SACS: variants seen among roughly 807,000 people sequenced by gnomAD.
The protein encoded by SACS is sacsin.
In SACS, 197 loss-of-function variants were observed where a neutral mutation model predicts 348.0. That is an observed-to-expected ratio of 0.57 (90% CI 0.50 to 0.64). The LOEUF (loss-of-function observed/expected upper bound fraction) is 0.64. Ranked by LOEUF, SACS falls within the 30% of genes least tolerant of loss-of-function variation. The pLI is 0.00. For synonymous variants in SACS, 1,985 were observed against 1,910.6 expected, an observed-to-expected ratio of 1.04 and a Z score of -1.02; for missense variants, 4,999 against 5,360.8, an observed-to-expected ratio of 0.93 and a Z score of 2.11.
chr13:23,343,165 C>T (rs574504652), intron 9 of SACS, among the ~76,000 whole-genome samples: 9 of 152,212 alleles, frequency 5.9e-5, no homozygotes, highest in African/African-American at 2.2e-4. Flanking sequence ...TTGAAGGGGG[C>T]AGTTTTTACT....
intron 1 of SACS, among the ~76,000 whole-genome samples, chr13:23,423,335 A>G (rs1316442118): frequency 6.6e-6 from 1 of 152,176 alleles, no homozygotes; most frequent in Non-Finnish European, 1.5e-5. Context: ...TTTTTATTAA[A>G]CTAGTTCCAA....
At chr13:23,341,780 C>CTT (rs4068499) in intron 9 of SACS, 90 bp from the exon 10 acceptor site, 4,172 of 296,724 alleles carry the variant, frequency 0.014, 68 homozygotes, top group East Asian at 0.018. Flanking sequence ...CTGGAAGGTT[C>CTT]TTTTTTTTTT....
intron 6 of SACS, among the ~76,000 whole-genome samples, chr13:23,360,374 A>T (rs1214778541): frequency 6.6e-6 from 1 of 151,272 alleles, no homozygotes; most frequent in East Asian, 1.9e-4. Flanking sequence ...GTCCATTAAA[A>T]GTATCTACAA....
chr13:23,379,821 C>G (rs1010377513), intron 2 of SACS, among the ~76,000 whole-genome samples: 1 of 152,190 alleles, frequency 6.6e-6, no homozygotes, highest in Non-Finnish European at 1.5e-5. Context: ...ACATTAGTTG[C>G]TGCCAACTGC....
intron 2 of SACS, among the ~76,000 whole-genome samples, chr13:23,399,571 G>T (rs1872867378): frequency 6.6e-6 from 1 of 152,084 alleles, no homozygotes; most frequent in Admixed American, 6.6e-5. Context: ...AGTTTAGATA[G>T]TACACTCCTA....
Position 23,334,719 on chromosome 13 carries a change from C to T in SACS, c.9157G>A (p.Glu3053Lys). The part of the protein sequence containing the change: ...YNITTRKTVA[E>K]NVYRLKHLLL... The stretch of plus-strand genomic sequence containing the variant: ...AGATGTTTCAGCCTATAGACATTCT[C>T]TGCTACTGTTTTGCGTGTGGTGATA... Residue 3053 changes from glutamate to lysine, a missense_variant, in exon 10 of 10, where the codon GAG becomes AAG. Glu to Lys is a moderately conservative substitution (Grantham distance 56). This residue lies in a region of SACS where 734 missense variants were observed against 694.0 expected (regional missense o/e 1.06). Transcript: ENST00000382292. 6.2e-7 allele frequency: 1 copy of T among 1,613,752 alleles called. No individual in the cohort carries two copies. Among genetic ancestry groups the T allele is most frequent in the Non-Finnish European group, 8.5e-7 (1 of 1,179,762 alleles).
intron 2 of SACS, among the ~76,000 whole-genome samples, chr13:23,410,686 T>C (rs1231072283): frequency 1.4e-5 from 2 of 146,560 alleles, no homozygotes; most frequent in African/African-American, 5.2e-5. Context: ...ATATACATAC[T>C]TTTTTTTTGC....
At position 23,360,153 on chromosome 13, in the gene SACS, G is replaced by A. The variant is rs77869679; in HGVS notation, c.458-1672C>T. Reference sequence around the variant, plus strand: ...GGACCCAATGAGACAGCACAAATACGGGGCTCAGCATAGAACCCAGCAGAG... The same window carrying A: ...GGACCCAATGAGACAGCACAAATACAGGGCTCAGCATAGAACCCAGCAGAG... On this transcript the variant is annotated intron_variant, in intron 6 of 9. Coordinates refer to ENST00000382292, the MANE Select transcript of SACS (RefSeq NM_014363.6). Among the ~76,000 whole-genome samples, 1,318 of 152,112 alleles carry A rather than the reference G, an allele frequency of 8.7e-3. 19 individuals are homozygous for A. Among genetic ancestry groups the A allele is most frequent in the African/African-American group, 0.03 (1,259 of 41,484 alleles).
intron 2 of SACS, among the ~76,000 whole-genome samples, chr13:23,403,056 T>A (rs1304638470): frequency 6.6e-6 from 1 of 151,874 alleles, no homozygotes; most frequent in African/African-American, 2.4e-5. Flanking sequence ...CAGATGCCCG[T>A]AATCCCAGCT....
Position 23,347,319 on chromosome 13 carries a change from T to C in SACS, c.2186-5629A>G, listed in dbSNP as rs542372504. On this transcript the variant is annotated intron_variant, in intron 9 of 9. Transcript: ENST00000382292. ...AGATTTTATCATCTATTTCCACTGCTTGTCCATGGTAACCAACAATAATTA... is the reference window on the plus strand; with the variant it reads ...AGATTTTATCATCTATTTCCACTGCCTGTCCATGGTAACCAACAATAATTA... Among the ~76,000 whole-genome samples the C allele has an allele frequency of 8.3e-4, 126 of 152,300 alleles. 2 individuals are homozygous for C. In the South Asian group the frequency reaches 0.024, roughly 29 times the overall value.
intron 1 of SACS, among the ~76,000 whole-genome samples, chr13:23,421,494 T>C (rs1443669772): frequency 6.6e-6 from 1 of 152,078 alleles, no homozygotes; most frequent in Non-Finnish European, 1.5e-5. Context: ...GGGTCTGATA[T>C]GCACCCAGGC....
intron 9 of SACS, among the ~76,000 whole-genome samples, chr13:23,348,715 G>A (rs576798851): frequency 1.2e-4 from 19 of 152,228 alleles, no homozygotes; most frequent in African/African-American, 4.3e-4. Context: ...ACTGAATGAT[G>A]AATAAACATT....
intron 7 of SACS, among the ~76,000 whole-genome samples, chr13:23,358,126 T>C (rs535215047): frequency 6.6e-6 from 1 of 152,328 alleles, no homozygotes; most frequent in African/African-American, 2.4e-5. Flanking sequence ...TGGCATCACA[T>C]GATGAAGGAA....
intron 2 of SACS, among the ~76,000 whole-genome samples, chr13:23,393,501 C>A (rs1215486359): frequency 1.3e-5 from 2 of 152,104 alleles, no homozygotes; most frequent in South Asian, 2.1e-4. Flanking sequence ...CCCACCTGCT[C>A]GTCCCTGGCT....
Position 23,336,352 on chromosome 13 carries a change from T to C in SACS, c.7524A>G (p.Arg2508=). 1 of 1,614,124 alleles carries C rather than the reference T, an allele frequency of 6.2e-7. No homozygotes were observed. Among genetic ancestry groups the C allele is most frequent in the South Asian group, 1.1e-5 (1 of 91,082 alleles). Residue 2508 remains arginine (R), a synonymous_variant, in exon 10 of 10, where the codon AGA becomes AGG. Coordinates refer to ENST00000382292, the MANE Select transcript of SACS (RefSeq NM_014363.6). The part of the protein sequence containing the change: ...AVPKRHKALE[R]YASNVCFTTL... ...TTGTAAAACAGACATTGGATGCATATCTTTCTAAGGCTTTGTGTCGCTTTG... is the reference window on the plus strand; with the variant it reads ...TTGTAAAACAGACATTGGATGCATACCTTTCTAAGGCTTTGTGTCGCTTTG...
chr13:23,351,981 T>A (rs906570916), intron 9 of SACS, among the ~76,000 whole-genome samples: 1 of 152,208 alleles, frequency 6.6e-6, no homozygotes, highest in Non-Finnish European at 1.5e-5. Flanking sequence ...TTTTCTATAT[T>A]AATTTATACA....
rs1453404914 is a variant in SACS at position 23,337,937 on chromosome 13, G to A, written c.5939C>T (p.Ser1980Phe). The change falls in exon 10 of 10, where the codon TCT becomes TTT. Residue 1980 changes from serine to phenylalanine, a missense_variant. This residue lies in a region of SACS where 3,156 missense variants were observed against 3,380.1 expected (regional missense o/e 0.93). Coordinates refer to ENST00000382292, the MANE Select transcript of SACS (RefSeq NM_014363.6). ...GKGKELTKVF[S>F]DGSTWVSMKN... ...CATGGAAACCCAAGTAGATCCATCAGAGAAGACTTTGGTCAGTTCTTTCCC... is the reference window on the plus strand; with the variant it reads ...CATGGAAACCCAAGTAGATCCATCAAAGAAGACTTTGGTCAGTTCTTTCCC... 1 of 1,613,988 alleles carries A rather than the reference G, an allele frequency of 6.2e-7. No homozygotes were observed. Among genetic ancestry groups the A allele is most frequent in the Non-Finnish European group, 8.5e-7 (1 of 1,179,964 alleles).
chr13:23,368,567 C>T (rs1303252373), intron 4 of SACS, 80 bp from the exon 5 acceptor site: 5 of 943,084 alleles, frequency 5.3e-6, no homozygotes, highest in Non-Finnish European at 8.5e-6. Flanking sequence ...GAATCTGAGA[C>T]ATCATATAAC....
In SACS at chr13:23,331,577, A is replaced by G; in HGVS notation, c.12299T>C (p.Leu4100Ser). The change falls in exon 10 of 10, where the codon TTA (leucine) becomes TCA (serine). Residue 4100 changes from leucine to serine, a missense_variant. By Grantham distance (145) the Leu-to-Ser change is moderately radical (BLOSUM62 -2). Transcript: ENST00000382292. ...HSDSKDINFL[L>S]ALAMTLKSAT... Reference sequence around the variant, plus strand: ...TGATTTAAGAGTCATTGCCAATGCTAACAGGAAATTAATGTCTTTACTGTC... The same window carrying G: ...TGATTTAAGAGTCATTGCCAATGCTGACAGGAAATTAATGTCTTTACTGTC... The G allele has an allele frequency of 6.2e-7, 1 of 1,613,978 alleles. No homozygotes were observed. Among genetic ancestry groups the G allele is most frequent in the Non-Finnish European group, 8.5e-7 (1 of 1,179,868 alleles).
Sources: allele counts gnomAD v4.1 joint callset (sites outside exome capture counted in the v4.1 genomes callset), GRCh38; gene constraint gnomAD v4.1.1; regional missense constraint gnomAD v4.1.1; transcripts MANE v1.5; gene names NCBI Gene and HGNC (gene_info 2026-07-23, HGNC 2026-07-21).